LRP1B: variants seen among roughly 807,000 people sequenced by gnomAD.
LRP1B encodes low-density lipoprotein receptor-related protein 1B.
Under a neutral mutation model 556.6 loss-of-function variants are expected in LRP1B, and 217 were observed. The observed-to-expected ratio is 0.39, with a 90% CI of 0.35 to 0.44. The LOEUF (loss-of-function observed/expected upper bound fraction) is 0.44, where lower values mean the gene tolerates loss of function less well. Among genes scored for constraint, LRP1B ranks in the 20% least tolerant of loss-of-function variants. The pLI, the probability that LRP1B is intolerant of heterozygous loss-of-function variation, is 1.00. For synonymous variants in LRP1B, 2,047 were observed against 1,865.8 expected (o/e 1.10, Z -2.50); for missense variants, 5,053 against 5,620.8 (o/e 0.90, Z 3.23).
At chr2:140,748,591 G>GTGTATATATATATATA (rs1361412390) in intron 35 of LRP1B, among the ~76,000 whole-genome samples, 4 of 73,330 alleles carry the variant, frequency 5.5e-5, no homozygotes, top group East Asian at 5.8e-4. Context: ...TATACAGTGT[G>GTGTATATATATATATA]TATATATATA....
intron 20 of LRP1B, among the ~76,000 whole-genome samples, chr2:140,932,886 T>TAGACACAC (rs1553562513): frequency 7.8e-6 from 1 of 127,554 alleles, no homozygotes. Flanking sequence ...TCTCTCCCTA[T>TAGACACAC]ACACACACAC....
At chr2:140,391,498 T>C (rs967832203) in intron 66 of LRP1B, among the ~76,000 whole-genome samples, 1 of 76,944 alleles carries the variant, frequency 1.3e-5, no homozygotes, top group East Asian at 3.0e-4. Context: ...TCAAACGGAA[T>C]AAGAGCTGTG....
intron 3 of LRP1B, among the ~76,000 whole-genome samples, chr2:141,362,832 AACTT>A (rs1185608407): frequency 2.7e-5 from 4 of 150,696 alleles, no homozygotes; most frequent in Non-Finnish European, 5.9e-5. Context: ...AAAAAAAAAA[AACTT>A]AACGTAATGA....
At chr2:141,750,562 A>G (rs1047939319) in intron 2 of LRP1B, among the ~76,000 whole-genome samples, 1 of 152,136 alleles carries the variant, frequency 6.6e-6, no homozygotes, top group Non-Finnish European at 1.5e-5. Context: ...CTGTATTCAC[A>G]CCTCAAAAGA....
chr2:141,360,717 G>T (rs562974974), intron 3 of LRP1B, among the ~76,000 whole-genome samples: 1 of 152,326 alleles, frequency 6.6e-6, no homozygotes, highest in South Asian at 2.1e-4. Context: ...CCCGGCAGGA[G>T]GACCTGCAGC....
At chr2:141,434,312 C>G (rs1260527691) in intron 3 of LRP1B, among the ~76,000 whole-genome samples, 1 of 152,068 alleles carries the variant, frequency 6.6e-6, no homozygotes, top group African/African-American at 2.4e-5. Context: ...GTTACATATT[C>G]TATCTTTATG....
At chr2:141,027,438 A>G (rs1380744020) in intron 11 of LRP1B, among the ~76,000 whole-genome samples, 1 of 152,134 alleles carries the variant, frequency 6.6e-6, no homozygotes, top group Non-Finnish European at 1.5e-5. Context: ...ACTAAAATAC[A>G]TCTGATGACT....
At chr2:140,641,518 C>T (rs1469340045) in intron 41 of LRP1B, among the ~76,000 whole-genome samples, 1 of 152,180 alleles carries the variant, frequency 6.6e-6, no homozygotes, top group East Asian at 1.9e-4. Flanking sequence ...ACAGCTGGAA[C>T]TTGTGACTTT....
At chr2:140,795,402 A>G (rs866795388) in intron 32 of LRP1B, among the ~76,000 whole-genome samples, 1 of 152,192 alleles carries the variant, frequency 6.6e-6, no homozygotes, top group South Asian at 2.1e-4. Flanking sequence ...TATTTTTAAA[A>G]TGTGCACATA....
Position 140,484,950 on chromosome 2 carries a change from G to A in LRP1B, c.9425+393C>T, listed in dbSNP as rs150322545. Among the ~76,000 whole-genome samples the A allele has an allele frequency of 2.5e-3, 376 of 152,212 alleles. 1 individual carries two copies. The highest frequency in any genetic ancestry group is 2.3e-3 in the Non-Finnish European group (156 of 68,008). On this transcript the variant is annotated intron_variant, in intron 59 of 90. Coordinates refer to ENST00000389484, the MANE Select transcript of LRP1B (RefSeq NM_018557.3). The stretch of plus-strand genomic sequence containing the variant: ...CTTATGTCTCCTGGTATGAAGTGGT[G>A]CAGGGATTACTTTGTCCATATTTGT...
chr2:140,894,717 G>A (rs1693899741), intron 23 of LRP1B, among the ~76,000 whole-genome samples: 1 of 152,080 alleles, frequency 6.6e-6, no homozygotes, highest in South Asian at 2.1e-4. Flanking sequence ...GGGAAGCCGA[G>A]ACAGGAGGAT....
At chr2:141,924,450 G>A (rs780530045) in intron 1 of LRP1B, among the ~76,000 whole-genome samples, 1 of 152,134 alleles carries the variant, frequency 6.6e-6, no homozygotes, top group African/African-American at 2.4e-5. Flanking sequence ...GGAACACTGG[G>A]CAAGAGCTAA....
chr2:141,178,237 C>T (rs1382059806), intron 7 of LRP1B, among the ~76,000 whole-genome samples: 1 of 152,150 alleles, frequency 6.6e-6, no homozygotes, highest in East Asian at 1.9e-4. Context: ...GAAAGAGCCT[C>T]CTATTGGAAG....
At chr2:141,897,837 G>A (rs573195424) in intron 1 of LRP1B, among the ~76,000 whole-genome samples, 4 of 152,110 alleles carry the variant, frequency 2.6e-5, no homozygotes, top group Non-Finnish European at 5.9e-5. Flanking sequence ...CCCAAAACAC[G>A]GTTATAAATT....
intron 32 of LRP1B, among the ~76,000 whole-genome samples, chr2:140,803,299 G>T (rs1224794227): frequency 8.6e-6 from 1 of 116,224 alleles, no homozygotes; most frequent in Non-Finnish European, 1.6e-5. Context: ...TTCCGAGATG[G>T]AGTCTCCCTC....
At chr2:140,366,653 T>C (rs1682776605) in intron 71 of LRP1B, among the ~76,000 whole-genome samples, 2 of 151,734 alleles carry the variant, frequency 1.3e-5, no homozygotes, top group South Asian at 4.2e-4. Flanking sequence ...AGACAATACA[T>C]GGGAAAAGTG....
chr2:140,492,833 C>A, intron 56 of LRP1B, 140 bp from the exon 57 acceptor site: 1 of 610,042 alleles, frequency 1.6e-6, no homozygotes, highest in Admixed American at 2.6e-5. Context: ...AAGGATCATA[C>A]TGAGCAACGT....
At chr2:141,037,249 A>T (rs1698560424) in intron 11 of LRP1B, among the ~76,000 whole-genome samples, 1 of 152,116 alleles carries the variant, frequency 6.6e-6, no homozygotes, top group Non-Finnish European at 1.5e-5. Flanking sequence ...CGTAAAGGTA[A>T]TTATAACAAA....
chr2:140,446,757 T>C (rs1686674794), intron 63 of LRP1B, among the ~76,000 whole-genome samples: 1 of 151,872 alleles, frequency 6.6e-6, no homozygotes, highest in African/African-American at 2.4e-5. Context: ...TTCCATGACA[T>C]TAGTGTGGGT....
Sources: allele counts gnomAD v4.1 joint callset (sites outside exome capture counted in the v4.1 genomes callset), GRCh38; gene constraint gnomAD v4.1.1; transcripts MANE v1.5; gene names NCBI Gene and HGNC (gene_info 2026-07-23, HGNC 2026-07-21).